The following ANKS6 variants were observed in gnomAD, a reference collection of about 807,000 sequenced individuals.
The protein encoded by ANKS6 is ankyrin repeat and sterile alpha motif domain containing 6, also known as ankyrin repeat and SAM domain-containing protein 6.
ANKS6 carries 47 observed loss-of-function variants against 77.9 expected under a neutral mutation model. The ratio of observed to expected loss-of-function variants is 0.60; its 90% CI spans 0.48 to 0.77. ANKS6 has a LOEUF of 0.77. Ranked by LOEUF, ANKS6 falls within the 30% of genes least tolerant of loss-of-function variation. The probability of loss-of-function intolerance (pLI) is 0.00; values close to 1 mark genes in which losing one functional copy is unlikely to be tolerated. For missense variants in ANKS6, 1,150 were observed against 1,159.1 expected (o/e 0.99, Z 0.11); for synonymous variants, 488 against 501.7 (o/e 0.97, Z 0.37).
At chr9:98,768,555 C>T (rs1243790707) in intron 10 of ANKS6, among the ~76,000 whole-genome samples, 1 of 152,206 alleles carries the variant, frequency 6.6e-6, no homozygotes, top group African/African-American at 2.4e-5. Context: ...CCACCAGGCA[C>T]AGATGCAACA....
Position 98,732,587 on chromosome 9 carries a change from G to A in ANKS6, c.*3932C>T. The stretch of plus-strand genomic sequence containing the variant: ...GGGCAGAAGGGAGAGAAGAAAGAGA[G>A]ATGAGAGATGAAAGGATTTAAAATG... On this transcript the variant is annotated 3_prime_UTR_variant, in exon 15 of 15. Transcript: ENST00000353234. 1 of 1,550,458 alleles carries A rather than the reference G, an allele frequency of 6.4e-7. No homozygotes were observed. Among genetic ancestry groups the A allele is most frequent in the Admixed American group, 2.0e-5 (1 of 51,008 alleles).
chr9:98,745,680 G>C lies in ANKS6; in HGVS notation c.2395-5C>G, dbSNP rs1564177915. 1 of 1,609,440 alleles carries C rather than the reference G, an allele frequency of 6.2e-7. No homozygotes were observed. Among genetic ancestry groups the C allele is most frequent in the East Asian group, 2.2e-5 (1 of 44,870 alleles). ...GAGGAACGCTTCCATGTCCACCTGGGGAGAGAGAGGGGATTTGCCACCATC... is the reference window on the plus strand; with the variant it reads ...GAGGAACGCTTCCATGTCCACCTGGCGAGAGAGAGGGGATTTGCCACCATC... On this transcript the variant is annotated splice_polypyrimidine_tract_variant and splice_region_variant and intron_variant, in intron 13 of 14. Coordinates refer to ENST00000353234, the MANE Select transcript of ANKS6 (RefSeq NM_173551.5).
Position 98,756,433 on chromosome 9 carries a change from G to A in ANKS6, c.2313C>T (p.Thr771=). 1.2e-6 allele frequency: 2 copies of A among 1,613,200 alleles called. No homozygotes were observed. Among genetic ancestry groups the A allele is most frequent in the East Asian group, 2.2e-5 (1 of 44,750 alleles). Residue 771 remains threonine, a synonymous_variant, in exon 12 of 15, where the codon ACC becomes ACT. Coordinates refer to ENST00000353234, the MANE Select transcript of ANKS6 (RefSeq NM_173551.5). ...CAGGGGACTCACCCTCATCTGTGAT[G>A]GTGCCACTGCTGGAGCCCCCACTGC... is the stretch of plus-strand genomic sequence containing the variant. ...SKSSGGSSSG[T]ITDEDELTGI...
At chr9:98,796,086 C>T in intron 1 of ANKS6, 47 bp downstream of exon 1, 1 of 1,284,168 alleles carries the variant, frequency 7.8e-7, no homozygotes, top group Non-Finnish European at 9.8e-7. Flanking sequence ...CTCGGGCCAG[C>T]GCCGGGCACC....
chr9:98,760,433 C>A (rs1832947798), intron 11 of ANKS6, among the ~76,000 whole-genome samples: 1 of 151,670 alleles, frequency 6.6e-6, no homozygotes, highest in Non-Finnish European at 1.5e-5. Flanking sequence ...CTGCCCTGGT[C>A]TTTGCTGTGA....
At position 98,768,209 on chromosome 9, in the gene ANKS6, T is replaced by C. The variant is rs1833411549; in HGVS notation, c.2014A>G (p.Arg672Gly). 6.2e-7 allele frequency: 1 copy of C among 1,614,138 alleles called. No homozygotes were observed. The highest frequency in any genetic ancestry group is 1.3e-5 in the African/African-American group (1 of 75,046). The change falls in exon 11 of 15, where the codon AGG becomes GGG. Residue 672 changes from arginine to glycine, a missense_variant. Coordinates refer to ENST00000353234, the MANE Select transcript of ANKS6 (RefSeq NM_173551.5). ...DNVLSQIAAQ[R>G]KKAAGLLEQK... The stretch of plus-strand genomic sequence containing the variant: ...TCCAATAATCCGGCTGCTTTTTTCC[T>C]CTGGGCAGCGATTTGGGACAAGACA...
intron 12 of ANKS6, among the ~76,000 whole-genome samples, chr9:98,752,779 C>T (rs751659298): frequency 2.0e-5 from 3 of 152,164 alleles, no homozygotes; most frequent in Non-Finnish European, 2.9e-5. Context: ...CTGTGCTAGG[C>T]GCCCACTCTC....
Position 98,770,990 on chromosome 9 carries a change from G to T in ANKS6, c.1878C>A (p.Ala626=). Residue 626 remains alanine (A), a synonymous_variant, in exon 10 of 15, where the codon GCC becomes GCA. Transcript: ENST00000353234. Reference sequence around the variant, plus strand: ...GCGAGTGGTTGAAGTTTCCAGAATTGGCAGAAGAGGCTGGGCTTCTGGGGA... The same window carrying T: ...GCGAGTGGTTGAAGTTTCCAGAATTTGCAGAAGAGGCTGGGCTTCTGGGGA... ...PSLPRSPASS[A]NSGNFNHSPH... is the part of the protein sequence containing the mutation. 1.3e-6 allele frequency: 2 copies of T among 1,597,276 alleles called. No individual in the cohort carries two copies. The highest frequency in any genetic ancestry group is 1.7e-6 in the Non-Finnish European group (2 of 1,171,784).
intron 1 of ANKS6, among the ~76,000 whole-genome samples, chr9:98,792,152 C>T (rs1834934845): frequency 6.6e-6 from 1 of 152,110 alleles, no homozygotes; most frequent in South Asian, 2.1e-4. Flanking sequence ...ACCTTCCCGC[C>T]TTCCCCACAC....
Position 98,733,758 on chromosome 9 carries a change from C to T in ANKS6, c.*2761G>A, listed in dbSNP as rs1831333197. On this transcript the variant is annotated 3_prime_UTR_variant, in exon 15 of 15. Transcript: ENST00000353234. ...GTGAGAGGCCTGTAGCAAAGATGAT[C>T]GTGTAGCTCGCTTTAGTGTCTGCCA... 24 of 985,366 alleles carry T rather than the reference C, an allele frequency of 2.4e-5. No individual in the cohort carries two copies. The highest frequency in any genetic ancestry group is 2.8e-5 in the Non-Finnish European group (23 of 830,002). 61.0% of individuals were successfully genotyped at this position (985,366 alleles called of 1,614,324 possible). A position where few individuals can be genotyped will look rare whatever the true frequency, so the allele number is the denominator to read the frequency against.
chr9:98,746,975 A>T (rs1771799104), intron 13 of ANKS6, among the ~76,000 whole-genome samples: 1 of 152,234 alleles, frequency 6.6e-6, no homozygotes, highest in African/African-American at 2.4e-5. Context: ...CTGGAGACAG[A>T]TAGGGTGCCA....
intron 13 of ANKS6, among the ~76,000 whole-genome samples, chr9:98,748,329 G>A (rs949208754): frequency 6.6e-6 from 1 of 152,170 alleles, no homozygotes; most frequent in African/African-American, 2.4e-5. Context: ...CCTCTCCTAC[G>A]ACTACTTGTG....
chr9:98,749,373 TA>T (rs963231034), intron 13 of ANKS6, among the ~76,000 whole-genome samples: 9 of 152,254 alleles, frequency 5.9e-5, no homozygotes, highest in African/African-American at 1.9e-4. Context: ...GGTGAGTTAC[TA>T]AAATTAGAGC....
chr9:98,796,292 GC>G lies in ANKS6; in HGVS notation c.199del (p.Ala67LeufsTer58). The part of the protein sequence containing the change: ...PGAAAAGAVG[A>X]PVPVDCSDEA... The stretch of plus-strand genomic sequence containing the variant: ...GTCCGAGCAATCCACGGGCACCGGA[GC>G]CCCGACTGCCCCCGCCGCTGCGGCC... On this transcript the variant is annotated frameshift_variant, in exon 1 of 15. Coordinates refer to ENST00000353234, the MANE Select transcript of ANKS6 (RefSeq NM_173551.5). LOFTEE classifies it high-confidence loss of function. 7.8e-7 allele frequency: 1 copy of G among 1,278,520 alleles called. No individual in the cohort carries two copies. The highest frequency in any genetic ancestry group is 9.9e-7 in the Non-Finnish European group (1 of 1,010,974). 79.2% of individuals were successfully genotyped at this position (1,278,520 alleles called of 1,614,324 possible). A position where few individuals can be genotyped will look rare whatever the true frequency, so the allele number is the denominator to read the frequency against.
chr9:98,796,334 TCGGCCCCCGC>T lies in ANKS6; in HGVS notation c.148_157del (p.Ala50ArgfsTer72). The T allele has an allele frequency of 8.4e-7, 1 of 1,196,200 alleles. No individual in the cohort carries two copies. Among genetic ancestry groups the T allele is most frequent in the Non-Finnish European group, 1.0e-6 (1 of 966,674 alleles). The allele number at this position is 1,196,200 out of a possible 1,614,324, so 74.1% of individuals were successfully genotyped here. On this transcript the variant is annotated frameshift_variant, in exon 1 of 15. Transcript: ENST00000353234. LOFTEE classifies it high-confidence loss of function. ...CGCTGCGGCCCCGGGCCCGGCCACC[TCGGCCCCCGC>T]CGGCTCCGCGCCCGCCTCCGGCTCC...
In ANKS6 at chr9:98,791,097, G is replaced by A. The variant is rs1834881298; in HGVS notation, c.360-491C>T. Reference sequence around the variant, plus strand: ...AGGGTCAGGACAGGTCTGTGTGAATGCCGCTGCCCTTGCTTTTTCTCTTAC... The same window carrying A: ...AGGGTCAGGACAGGTCTGTGTGAATACCGCTGCCCTTGCTTTTTCTCTTAC... On this transcript the variant is annotated intron_variant, in intron 1 of 14. Transcript: ENST00000353234. This position sits in a 1 kb window ranked among gnomAD's most constrained non-coding sequence, Gnocchi z 4.3. Among the ~76,000 whole-genome samples, 1 of 152,210 alleles carries A rather than the reference G, an allele frequency of 6.6e-6. No homozygotes were observed. The highest frequency in any genetic ancestry group is 2.1e-4 in the South Asian group (1 of 4,832).
chr9:98,793,981 C>G (rs989892652), intron 1 of ANKS6, among the ~76,000 whole-genome samples: 5 of 150,176 alleles, frequency 3.3e-5, no homozygotes, highest in African/African-American at 9.7e-5. Context: ...GAAACCCGGT[C>G]TCTACTAAAA....
Position 98,733,715 on chromosome 9 carries a change from G to T in ANKS6, c.*2804C>A. 2.0e-6 allele frequency: 2 copies of T among 985,502 alleles called. No homozygotes were observed. Among genetic ancestry groups the T allele is most frequent in the Non-Finnish European group, 2.4e-6 (2 of 829,962 alleles). 61.0% of individuals were successfully genotyped at this position (985,502 alleles called of 1,614,324 possible). A position where few individuals can be genotyped will look rare whatever the true frequency, so the allele number is the denominator to read the frequency against. ...GGCCCTGTGAAGAGGCCTGACCCAT[G>T]CTGGCATGCTGAAGGTTGTGAGAGG... On this transcript the variant is annotated 3_prime_UTR_variant, in exon 15 of 15. Transcript: ENST00000353234.
In ANKS6 at chr9:98,733,594, A is replaced by G; in HGVS notation, c.*2925T>C. ...TCTTGGTTGCCGCTGTTCCAGAAAAAGCGGGGCTTCTCCAATGGTGTCCAA... is the reference window on the plus strand; with the variant it reads ...TCTTGGTTGCCGCTGTTCCAGAAAAGGCGGGGCTTCTCCAATGGTGTCCAA... On this transcript the variant is annotated 3_prime_UTR_variant, in exon 15 of 15. Coordinates refer to ENST00000353234, the MANE Select transcript of ANKS6 (RefSeq NM_173551.5). 1.0e-6 allele frequency: 1 copy of G among 985,488 alleles called. No individual in the cohort carries two copies. The highest frequency in any genetic ancestry group is 4.7e-5 in the South Asian group (1 of 21,286). The allele number at this position is 985,488 out of a possible 1,614,324, so 61.0% of individuals were successfully genotyped here.
Sources: gnomAD v4.1 joint callset for allele counts (sites outside exome capture counted in the v4.1 genomes callset) on GRCh38, gnomAD v4.1.1 for gene constraint, Gnocchi (gnomAD v3.1) non-coding constraint, MANE v1.5 for transcripts, NCBI Gene and HGNC (gene_info 2026-07-23, HGNC 2026-07-21) for gene names.